LTBR: variants seen among roughly 807,000 people sequenced by gnomAD.
LTBR encodes the protein lymphotoxin beta receptor, also known as tumor necrosis factor receptor superfamily member 3.
Under a neutral mutation model 45.4 loss-of-function variants are expected in LTBR, and 15 were observed. The ratio of observed to expected loss-of-function variants is 0.33; its 90% confidence interval spans 0.22 to 0.51. The LOEUF (loss-of-function observed/expected upper bound fraction) is 0.51. Ranked by LOEUF, LTBR falls within the 20% of genes least tolerant of loss-of-function variation. The probability of loss-of-function intolerance (pLI) is 0.97; values close to 1 mark genes in which losing one functional copy is unlikely to be tolerated. For missense variants in LTBR, 450 were observed against 565.5 expected, an observed-to-expected ratio of 0.80 and a Z score of 2.07; for synonymous variants, 228 against 231.0, an observed-to-expected ratio of 0.99 and a Z score of 0.12.
chr12:6,377,638 C>T, intron 1 of LTBR: 1 of 1,307,830 alleles, frequency 7.6e-7, no homozygotes, highest in Non-Finnish European at 1.0e-6. Context: ...CCCCTAGAAA[C>T]TCCAGTCTCC....
At chr12:6,390,534 A>G in intron 9 of LTBR, 126 bp from the exon 10 acceptor site, 2 of 1,107,764 alleles carry the variant, frequency 1.8e-6, no homozygotes, top group South Asian at 1.6e-5. Context: ...CAGAAGCTCA[A>G]TAAACCAGCA....
Position 6,386,624 on chromosome 12 carries a change from C to CA in LTBR, c.667+181dup. ...TAGTTTACACACACACACACACACA[C>CA]ACACACACACACTTTTAAAATTATA... On this transcript the variant is annotated intron_variant, in intron 6 of 9. Coordinates refer to ENST00000228918, the MANE Select transcript of LTBR (RefSeq NM_002342.3). The surrounding 1 kb of genome is among the most constrained non-coding windows in gnomAD (Gnocchi z 4.1). The CA allele has an allele frequency of 1.7e-6, 1 of 598,938 alleles. No individual in the cohort carries two copies. The highest frequency in any genetic ancestry group is 2.8e-5 in the East Asian group (1 of 35,890). The allele number at this position is 598,938 out of a possible 1,614,324, so 37.1% of individuals were successfully genotyped here. A position where few individuals can be genotyped will look rare whatever the true frequency, so the allele number is the denominator to read the frequency against.
chr12:6,378,547 G>A (rs1454829205), intron 1 of LTBR, among the ~76,000 whole-genome samples: 1 of 132,924 alleles, frequency 7.5e-6, no homozygotes, highest in Non-Finnish European at 1.6e-5. Context: ...GGGCAAGAAG[G>A]GGTGGGTAAG....
At chr12:6,389,843 T>A in intron 8 of LTBR, 4 of 351,828 alleles carry the variant, frequency 1.1e-5, no homozygotes, top group Non-Finnish European at 2.1e-5. Flanking sequence ...CAGTCCCAGC[T>A]ACTCAGGAGG....
At chr12:6,375,783 C>A in intron 1 of LTBR, 1 of 1,395,766 alleles carries the variant, frequency 7.2e-7, no homozygotes. Context: ...AAGATCTGAA[C>A]AAGTAGAAGG....
In LTBR at chr12:6,388,868, G is replaced by A. The variant is rs1482731476; in HGVS notation, c.801+43G>A. The A allele has an allele frequency of 3.1e-6, 5 of 1,612,822 alleles. No individual in the cohort carries two copies. Among genetic ancestry groups the A allele is most frequent in the Non-Finnish European group, 4.2e-6 (5 of 1,179,118 alleles). On this transcript the variant is annotated intron_variant, in intron 8 of 9. Transcript: ENST00000228918. This position sits in a 1 kb window ranked among gnomAD's most constrained non-coding sequence, Gnocchi z 4.3. ...GAAGGCAGCAAGAAGGGGAAGAGGT[G>A]ATGAGGGTACAAGGTGGAGCAGACA...
Position 6,386,068 on chromosome 12 carries a change from G to A in LTBR, c.475G>A (p.Glu159Lys), listed in dbSNP as rs750705641. The change falls in exon 5 of 10, where the codon GAA (glutamate) becomes AAA (lysine). Residue 159 changes from glutamate (E) to lysine (K), a missense_variant and splice_region_variant. Coordinates refer to ENST00000228918, the MANE Select transcript of LTBR (RefSeq NM_002342.3). This position sits in a 1 kb window ranked among gnomAD's most constrained non-coding sequence, Gnocchi z 4.1. ...PPGTEAELKDEVGKGNNHCVP... is the reference protein window; with the variant it reads ...PPGTEAELKDKVGKGNNHCVP... ...CTGGCCTGCCTTTCTCTTGCCAGAT[G>A]AAGTTGGGAAGGGTAACAACCACTG... 38 of 1,612,558 alleles carry A rather than the reference G, an allele frequency of 2.4e-5. No homozygotes were observed. The highest frequency in any genetic ancestry group is 1.6e-4 in the East Asian group (7 of 44,880).
upstream of LTBR, among the ~76,000 whole-genome samples, chr12:6,381,695 C>A (rs567682362): frequency 1.3e-5 from 2 of 152,316 alleles, no homozygotes; most frequent in African/African-American, 2.4e-5. Context: ...CATTCTGGGG[C>A]CGGGTGCCGT....
intron 6 of LTBR, chr12:6,387,813 A>AG: frequency 2.2e-6 from 1 of 454,022 alleles, no homozygotes; most frequent in Non-Finnish European, 4.4e-6. Flanking sequence ...GCCCTGAGCA[A>AG]GGGGGTGGAG....
rs770519278 is a variant in LTBR at position 6,388,364 on chromosome 12, G to A, written c.668-34G>A. The A allele has an allele frequency of 6.6e-7, 1 of 1,516,244 alleles. No homozygotes were observed. Among genetic ancestry groups the A allele is most frequent in the Non-Finnish European group, 9.2e-7 (1 of 1,092,176 alleles). 93.9% of individuals were successfully genotyped at this position (1,516,244 alleles called of 1,614,324 possible). On this transcript the variant is annotated intron_variant, in intron 6 of 9. Transcript: ENST00000228918. The surrounding 1 kb of genome is among the most constrained non-coding windows in gnomAD (Gnocchi z 4.3). Reference sequence around the variant, plus strand: ...CCTCCTCCCCTCTGCCCTTCTTGGGGCTGTGATCACCCTCCTGTCTGCTGT... The same window carrying A: ...CCTCCTCCCCTCTGCCCTTCTTGGGACTGTGATCACCCTCCTGTCTGCTGT...
In LTBR at chr12:6,388,896, AAG is replaced by A; in HGVS notation, c.801+76_801+77del. The A allele has an allele frequency of 6.4e-7, 1 of 1,570,144 alleles. No homozygotes were observed. The highest frequency in any genetic ancestry group is 8.8e-7 in the Non-Finnish European group (1 of 1,141,284). ...GAGGGTACAAGGTGGAGCAGACAGGAAGAGAGTATGCAGGCTGACTCCACACT... is the reference window on the plus strand; with the variant it reads ...GAGGGTACAAGGTGGAGCAGACAGGAAGAGTATGCAGGCTGACTCCACACT... On this transcript the variant is annotated intron_variant, in intron 8 of 9. Coordinates refer to ENST00000228918, the MANE Select transcript of LTBR (RefSeq NM_002342.3). The surrounding 1 kb of genome is among the most constrained non-coding windows in gnomAD (Gnocchi z 4.3).
chr12:6,384,945 C>T, intron 2 of LTBR, 77 bp from the exon 3 acceptor site: 2 of 1,580,246 alleles, frequency 1.3e-6, no homozygotes, highest in Non-Finnish European at 8.7e-7. Flanking sequence ...AGGGAAAGGC[C>T]AGGGTCACAC....
At chr12:6,384,772 A>T (rs569062982) in intron 2 of LTBR, 88 bp downstream of exon 2, 2 of 1,302,276 alleles carry the variant, frequency 1.5e-6, no homozygotes, top group Middle Eastern at 1.9e-4. Flanking sequence ...GAAGGTGGGC[A>T]CTGTCCCCCA....
chr12:6,375,547 C>CTCATT, exon 1 of LTBR: 1 of 1,534,942 alleles, frequency 6.5e-7, no homozygotes, highest in Non-Finnish European at 8.7e-7. Flanking sequence ...GCCCGCTGGC[C>CTCATT]GGCCAGGGAT....
At chr12:6,375,395 G>A, upstream of LTBR, 2 of 1,492,698 alleles carry the variant, frequency 1.3e-6, 1 homozygote. Flanking sequence ...AGGACTGCAG[G>A]GCTCCAGGAG....
In LTBR at chr12:6,391,153, C is replaced by T. The variant is rs1592103501; in HGVS notation, c.*216C>T. The T allele has an allele frequency of 2.3e-6, 1 of 438,344 alleles. No individual in the cohort carries two copies. The highest frequency in any genetic ancestry group is 3.9e-6 in the Non-Finnish European group (1 of 255,488). 27.2% of individuals were successfully genotyped at this position (438,344 alleles called of 1,614,324 possible). On this transcript the variant is annotated 3_prime_UTR_variant, in exon 10 of 10. Coordinates refer to ENST00000228918, the MANE Select transcript of LTBR (RefSeq NM_002342.3). ...TACTGCCTGAGCAAACCTGAGGCCTCCCGGCAGACCCACCCACCCCCTGGG... is the reference window on the plus strand; with the variant it reads ...TACTGCCTGAGCAAACCTGAGGCCTTCCGGCAGACCCACCCACCCCCTGGG...
rs1949052248 is a variant in LTBR at position 6,386,575 on chromosome 12, G to GA, written c.667+137dup. On this transcript the variant is annotated intron_variant, in intron 6 of 9. Coordinates refer to ENST00000228918, the MANE Select transcript of LTBR (RefSeq NM_002342.3). The surrounding 1 kb of genome is among the most constrained non-coding windows in gnomAD (Gnocchi z 4.1). The stretch of plus-strand genomic sequence containing the variant: ...TTGGGCAAGAAGAAAGTTCCTTACA[G>GA]AAAAAATTGGAGTATCTCTAGGCTA... The GA allele has an allele frequency of 1.7e-5, 11 of 665,666 alleles. No homozygotes were observed. The highest frequency in any genetic ancestry group is 8.1e-5 in the Admixed American group (3 of 36,934). 41.2% of individuals were successfully genotyped at this position (665,666 alleles called of 1,614,324 possible).
Position 6,386,178 on chromosome 12 carries a change from C to T in LTBR, c.569+16C>T. ...CCCACACCAGGTGAGTGCAGCCCCA[C>T]CCAAGCTCCTTCCACCCTCTGAGAA... On this transcript the variant is annotated intron_variant, in intron 5 of 9. Coordinates refer to ENST00000228918, the MANE Select transcript of LTBR (RefSeq NM_002342.3). The surrounding 1 kb of genome is among the most constrained non-coding windows in gnomAD (Gnocchi z 4.1). 1.2e-6 allele frequency: 2 copies of T among 1,603,022 alleles called. No individual in the cohort carries two copies. The highest frequency in any genetic ancestry group is 1.7e-6 in the Non-Finnish European group (2 of 1,170,292).
intron 1 of LTBR, chr12:6,377,433 G>T (rs72645157): frequency 2.2e-5 from 15 of 686,710 alleles, no homozygotes; most frequent in Non-Finnish European, 3.2e-5. Flanking sequence ...TCTACTTAGC[G>T]CTTTTGCCAT....
Sources: allele counts gnomAD v4.1 joint callset (sites outside exome capture counted in the v4.1 genomes callset), GRCh38; gene constraint gnomAD v4.1.1; non-coding constraint Gnocchi (gnomAD v3.1); transcripts MANE v1.5; gene names NCBI Gene and HGNC (gene_info 2026-07-23, HGNC 2026-07-21).